The following DST variants were observed in gnomAD, a reference collection of about 807,000 sequenced individuals.
DST encodes the protein dystonin, also known as bullous pemphigoid antigen.
DST carries 253 observed loss-of-function variants against 875.2 expected under a neutral mutation model. The observed-to-expected ratio is 0.29, with a 90% CI of 0.26 to 0.32. The LOEUF (loss-of-function observed/expected upper bound fraction) is 0.32, where lower values mean the gene tolerates loss of function less well. DST is among the 10% of genes least tolerant of loss of function. The pLI is 1.00. For synonymous variants in DST, 3,124 were observed against 3,197.1 expected (o/e 0.98, Z 0.77); for missense variants, 8,287 against 9,111.6 (o/e 0.91, Z 3.68).
intron 2 of DST, among the ~76,000 whole-genome samples, chr6:56,924,779 A>C (rs952306401): frequency 6.6e-6 from 1 of 152,086 alleles, no homozygotes; most frequent in African/African-American, 2.4e-5. Context: ...ACTTCTTATG[A>C]TTAAGTTAAA....
Position 56,606,348 on chromosome 6 carries a change from A to T in DST, c.8280T>A (p.Asp2760Glu), listed in dbSNP as rs764332778. 1 of 1,613,002 alleles carries T rather than the reference A, an allele frequency of 6.2e-7. No individual in the cohort carries two copies. Among genetic ancestry groups the T allele is most frequent in the Middle Eastern group, 1.7e-4 (1 of 6,058 alleles). Residue 2760 changes from aspartate (D) to glutamate (E), a missense_variant, in exon 40 of 104, where the codon GAT becomes GAA. This residue lies in a region of DST where 3,138 missense variants were observed against 3,116.6 expected (regional missense o/e 1.01). Transcript: ENST00000680361. ...KESFTASLKF[D>E]DSGSWRGRKE... ...TTCTTCCTCTCCAACTGCCACTGTC[A>T]TCAAATTTTAATGATGCAGTGAAGC...
chr6:56,672,510 A>C (rs2099107007), intron 9 of DST, among the ~76,000 whole-genome samples: 1 of 152,196 alleles, frequency 6.6e-6, no homozygotes, highest in South Asian at 2.1e-4. Flanking sequence ...TGTGACAAAA[A>C]ACAGCATAAA....
intron 4 of DST, among the ~76,000 whole-genome samples, chr6:56,823,066 C>CA (rs2153049395): frequency 1.3e-5 from 2 of 152,202 alleles, no homozygotes; most frequent in South Asian, 4.2e-4. Flanking sequence ...CTCCTGGCCT[C>CA]AAGTGATCCA....
At position 56,645,741 on chromosome 6, in the gene DST, G is replaced by T. The variant is rs149165031; in HGVS notation, c.1778+125C>A. 1,428 of 1,120,566 alleles carry T rather than the reference G, an allele frequency of 1.3e-3. 6 individuals carry two copies. The African/African-American group carries it at 0.02, about 16-fold the overall frequency. The allele number at this position is 1,120,566 out of a possible 1,614,324, so 69.4% of individuals were successfully genotyped here. ...AAGAGTTTCTAGGTAAGAAAATGGA[G>T]GATCAAAAGGATTAAGAGACTTATC... On this transcript the variant is annotated intron_variant, in intron 15 of 103. Coordinates refer to ENST00000680361, the MANE Select transcript of DST (RefSeq NM_001374736.1).
intron 2 of DST, among the ~76,000 whole-genome samples, chr6:56,941,993 G>A (rs1006868553): frequency 6.6e-6 from 1 of 152,164 alleles, no homozygotes; most frequent in Non-Finnish European, 1.5e-5. Flanking sequence ...ACCTTTTGAG[G>A]TTAGGTTTAT....
intron 2 of DST, among the ~76,000 whole-genome samples, chr6:56,915,272 G>T (rs535495032): frequency 1.3e-5 from 2 of 152,288 alleles, no homozygotes; most frequent in East Asian, 3.9e-4. Flanking sequence ...CTCAAGACAA[G>T]AACTTAGGAA....
chr6:56,651,303 AATT>A (rs2098974511), intron 10 of DST, 59 bp from the exon 11 acceptor site: 3 of 1,039,784 alleles, frequency 2.9e-6, no homozygotes, highest in Admixed American at 2.5e-5. Flanking sequence ...AACATTATAT[AATT>A]ATATAGGTTT....
chr6:56,581,726 C>T (rs1452018478), intron 49 of DST, among the ~76,000 whole-genome samples: 1 of 152,218 alleles, frequency 6.6e-6, no homozygotes, highest in Admixed American at 6.5e-5. Flanking sequence ...GATTTCAAAG[C>T]CCCCAATGTC....
chr6:56,925,770 T>G (rs909541278), intron 2 of DST, among the ~76,000 whole-genome samples: 1 of 152,252 alleles, frequency 6.6e-6, no homozygotes, highest in Non-Finnish European at 1.5e-5. Context: ...CCCCTCAATT[T>G]AATCCTCTGC....
chr6:56,629,134 GTAATTAACA>G, intron 32 of DST, 107 bp downstream of exon 32: 1 of 989,346 alleles, frequency 1.0e-6, no homozygotes, highest in Non-Finnish European at 1.6e-6. Flanking sequence ...TAGAGGTATT[GTAATTAACA>G]AATTAACTAT....
At chr6:56,706,202 T>C (rs1345766081) in intron 5 of DST, among the ~76,000 whole-genome samples, 1 of 151,794 alleles carries the variant, frequency 6.6e-6, no homozygotes, top group Non-Finnish European at 1.5e-5. Flanking sequence ...TAATCCCAGC[T>C]ACTTGGGAGG....
At chr6:56,649,784 A>G (rs2098963862) in intron 12 of DST, among the ~76,000 whole-genome samples, 1 of 152,232 alleles carries the variant, frequency 6.6e-6, no homozygotes, top group Non-Finnish European at 1.5e-5. Context: ...ATATGTAGAC[A>G]CTGAAAATTT....
At chr6:56,839,313 C>T (rs1253527239) in intron 4 of DST, among the ~76,000 whole-genome samples, 1 of 152,162 alleles carries the variant, frequency 6.6e-6, no homozygotes. Context: ...AAAAAGAAAA[C>T]ACCTATTTGG....
intron 4 of DST, among the ~76,000 whole-genome samples, chr6:56,817,571 G>C (rs572639471): frequency 6.6e-6 from 1 of 152,050 alleles, no homozygotes; most frequent in African/African-American, 2.4e-5. Flanking sequence ...TTTCCTTTGA[G>C]TATTTCTCCC....
At chr6:56,843,507 G>T (rs1213196695) in intron 4 of DST, 1 of 986,146 alleles carries the variant, frequency 1.0e-6, no homozygotes, top group Non-Finnish European at 1.2e-6. Flanking sequence ...GGGCCGGCGG[G>T]CGCCCGGACC....
intron 3 of DST, among the ~76,000 whole-genome samples, chr6:56,860,550 C>T (rs1770533837): frequency 2.0e-5 from 3 of 152,192 alleles, no homozygotes; most frequent in South Asian, 4.1e-4. Context: ...TAAATGCTGG[C>T]TCAGGCTCCC....
chr6:56,532,310 A>G, intron 64 of DST, 34 bp downstream of exon 64: 2 of 1,599,480 alleles, frequency 1.3e-6, no homozygotes, highest in Admixed American at 3.4e-5. Flanking sequence ...GGCCACTGCT[A>G]CTCTTTCAAA....
intron 4 of DST, among the ~76,000 whole-genome samples, chr6:56,796,282 C>T (rs2099739609): frequency 1.3e-5 from 2 of 152,176 alleles, no homozygotes; most frequent in African/African-American, 4.8e-5. Context: ...CAAGGAAAGT[C>T]ATGCAAGAAA....
rs981493788 is a variant in DST at position 56,508,990 on chromosome 6, T to C, written c.19013-235A>G. Among the ~76,000 whole-genome samples, 7 of 152,260 alleles carry C rather than the reference T, an allele frequency of 4.6e-5. No homozygotes were observed. In the East Asian group the frequency reaches 1.4e-3, roughly 29 times the overall value. On this transcript the variant is annotated intron_variant, in intron 74 of 103. Coordinates refer to ENST00000680361, the MANE Select transcript of DST (RefSeq NM_001374736.1). The stretch of plus-strand genomic sequence containing the variant: ...AAACCAAGGTTCTTCCTGACAAAAG[T>C]GAGCTCAGAGTAGAACCAAGTTTAT...
Sources: allele counts gnomAD v4.1 joint callset (sites outside exome capture counted in the v4.1 genomes callset), GRCh38; gene constraint gnomAD v4.1.1; regional missense constraint gnomAD v4.1.1; transcripts MANE v1.5; gene names NCBI Gene and HGNC (gene_info 2026-07-23, HGNC 2026-07-21).